Variants in SNUPN observed in about 807,000 individuals in gnomAD.
The protein encoded by SNUPN is snurportin-1.
In SNUPN, 31 loss-of-function variants were observed where a neutral mutation model predicts 39.2. The ratio of observed to expected loss-of-function variants is 0.79; its 90% CI spans 0.59 to 1.07. The LOEUF (loss-of-function observed/expected upper bound fraction) is 1.07. Among genes scored for constraint, SNUPN ranks in the 50% least tolerant of loss-of-function variants. The pLI is 0.00. For missense variants in SNUPN, 382 were observed against 434.2 expected, an observed-to-expected ratio of 0.88 and a Z score of 1.07; for synonymous variants, 132 against 159.0, an observed-to-expected ratio of 0.83 and a Z score of 1.28.
At chr15:75,605,610 T>G (rs1228069455) in intron 6 of SNUPN, among the ~76,000 whole-genome samples, 1 of 152,212 alleles carries the variant, frequency 6.6e-6, no homozygotes, top group Non-Finnish European at 1.5e-5. Flanking sequence ...GGCCTCTTCA[T>G]TCTTTTAAAT....
At chr15:75,598,774 G>A (rs143623419) in intron 8 of SNUPN, 93 bp from the exon 9 acceptor site, 13 of 941,058 alleles carry the variant, frequency 1.4e-5, no homozygotes, top group African/African-American at 1.1e-4. Flanking sequence ...CTTGTGGTCC[G>A]ACTCCTTTTT....
chr15:75,600,860 C>T (rs1041681719), intron 8 of SNUPN: 2 of 360,686 alleles, frequency 5.5e-6, no homozygotes, highest in African/African-American at 4.2e-5. Flanking sequence ...CCTATCTGGG[C>T]CTCAGTTTCT....
chr15:75,621,068 A>T lies in SNUPN; in HGVS notation c.-5-12T>A. The T allele has an allele frequency of 6.2e-7, 1 of 1,613,502 alleles. No individual in the cohort carries two copies. The highest frequency in any genetic ancestry group is 8.5e-7 in the Non-Finnish European group (1 of 1,179,754). ...CTCTTCCATCTTCCCTACAAAGGAAAACGTAAGAAAATGGTTCATTCATTT... is the reference window on the plus strand; with the variant it reads ...CTCTTCCATCTTCCCTACAAAGGAATACGTAAGAAAATGGTTCATTCATTT... On this transcript the variant is annotated splice_polypyrimidine_tract_variant and intron_variant, in intron 1 of 8. Coordinates refer to ENST00000308588, the MANE Select transcript of SNUPN (RefSeq NM_005701.4).
chr15:75,623,218 C>T (rs1361672805), intron 1 of SNUPN, among the ~76,000 whole-genome samples: 2 of 152,106 alleles, frequency 1.3e-5, no homozygotes, highest in Non-Finnish European at 2.9e-5. Flanking sequence ...GATCTTGGCT[C>T]ACCACAACCT....
At chr15:75,605,301 T>G in intron 6 of SNUPN, 74 bp from the exon 7 acceptor site, 6 of 880,626 alleles carry the variant, frequency 6.8e-6, no homozygotes, top group Non-Finnish European at 1.1e-5. Flanking sequence ...AAACACCCCA[T>G]GCTATTTTTT....
chr15:75,621,378 A>G (rs1893066753), intron 1 of SNUPN, among the ~76,000 whole-genome samples: 1 of 150,394 alleles, frequency 6.6e-6, no homozygotes, highest in Admixed American at 6.7e-5. Context: ...CTCCCACCTC[A>G]GCTTCCCCAG....
At chr15:75,614,674 A>C (rs1214927164) in intron 3 of SNUPN, among the ~76,000 whole-genome samples, 2 of 152,170 alleles carry the variant, frequency 1.3e-5, no homozygotes, top group Non-Finnish European at 2.9e-5. Flanking sequence ...TCTAGAATTA[A>C]ATAGTCGTGA....
intron 2 of SNUPN, 84 bp from the exon 3 acceptor site, chr15:75,617,636 G>A (rs1595988092): frequency 6.9e-7 from 1 of 1,450,934 alleles, no homozygotes; most frequent in Non-Finnish European, 9.2e-7. Context: ...GCCCAGGCTG[G>A]AATGGTGCAA....
chr15:75,610,097 T>G (rs1338112582), intron 3 of SNUPN, 103 bp from the exon 4 acceptor site: 1 of 893,350 alleles, frequency 1.1e-6, no homozygotes, highest in East Asian at 2.6e-5. Flanking sequence ...AAAACCTGAG[T>G]GAAAGAATGA....
intron 1 of SNUPN, chr15:75,624,981 G>A (rs1016364031): frequency 1.5e-5 from 3 of 200,114 alleles, no homozygotes; most frequent in Admixed American, 5.0e-5. Context: ...TCACCATGTT[G>A]GTCAGGCTGG....
At chr15:75,612,136 G>A (rs1422810220) in intron 3 of SNUPN, among the ~76,000 whole-genome samples, 3 of 150,892 alleles carry the variant, frequency 2.0e-5, no homozygotes, top group Non-Finnish European at 2.9e-5. Flanking sequence ...GGGTTCAAGC[G>A]ATCCTCCCAT....
intron 2 of SNUPN, 97 bp from the exon 3 acceptor site, chr15:75,617,649 T>A: frequency 7.4e-7 from 1 of 1,352,770 alleles, no homozygotes; most frequent in East Asian, 2.5e-5. Flanking sequence ...TGGTGCAATC[T>A]CAGCTCACTG....
intron 7 of SNUPN, among the ~76,000 whole-genome samples, chr15:75,602,328 C>G (rs904520455): frequency 6.6e-6 from 1 of 152,036 alleles, no homozygotes; most frequent in Non-Finnish European, 1.5e-5. Flanking sequence ...GAGTTCGAGA[C>G]CAGTCTGACC....
chr15:75,607,931 A>C (rs920294693), intron 5 of SNUPN, among the ~76,000 whole-genome samples: 1 of 152,294 alleles, frequency 6.6e-6, no homozygotes, highest in African/African-American at 2.4e-5. Context: ...AGACCCAAGT[A>C]CTGATGTGGC....
chr15:75,624,511 A>T (rs893508133), intron 1 of SNUPN, among the ~76,000 whole-genome samples: 2 of 148,826 alleles, frequency 1.3e-5, no homozygotes, highest in Non-Finnish European at 3.0e-5. Context: ...AAAAAAAAAA[A>T]AATACAAAAA....
intron 1 of SNUPN, among the ~76,000 whole-genome samples, chr15:75,621,438 T>C (rs1278241154): frequency 6.6e-6 from 1 of 151,956 alleles, no homozygotes; most frequent in Non-Finnish European, 1.5e-5. Flanking sequence ...TTTTAAAATT[T>C]ATTGGTACAG....
chr15:75,610,675 G>A (rs1447102500), intron 3 of SNUPN, among the ~76,000 whole-genome samples: 6 of 152,138 alleles, frequency 3.9e-5, no homozygotes, highest in African/African-American at 9.7e-5. Context: ...ACTCAGAGAT[G>A]AATAAGATCC....
rs1418250014 is a variant in SNUPN at position 75,598,422 on chromosome 15, G to C, written c.1019C>G (p.Ser340Cys). ...GGAAGAACCCTTCAACTTGGGAGTA[G>C]ACAGGTGCTCCAATTCATAGTGCCC... ...ENGHYELEHL[S>C]TPKLKGSSHS... Residue 340 changes from serine to cysteine, a missense_variant, in exon 9 of 9, where the codon TCT becomes TGT. Coordinates refer to ENST00000308588, the MANE Select transcript of SNUPN (RefSeq NM_005701.4). The C allele has an allele frequency of 5.0e-6, 8 of 1,614,096 alleles. No individual in the cohort carries two copies. The African/African-American group carries it at 9.3e-5, about 19-fold the overall frequency.
chr15:75,619,344 A>T (rs369271051), intron 2 of SNUPN, among the ~76,000 whole-genome samples: 4 of 152,018 alleles, frequency 2.6e-5, no homozygotes, highest in African/African-American at 9.7e-5. Context: ...ATATATGTAT[A>T]GAATATCTTC....
Sources: gnomAD v4.1 joint callset for allele counts (sites outside exome capture counted in the v4.1 genomes callset) on GRCh38, gnomAD v4.1.1 for gene constraint, MANE v1.5 for transcripts, NCBI Gene and HGNC (gene_info 2026-07-23, HGNC 2026-07-21) for gene names.